AVL9: variants seen among roughly 807,000 people sequenced by gnomAD.
AVL9 encodes AVL9 cell migration associated.
A neutral mutation model predicts 79.2 loss-of-function variants in AVL9; 49 were observed. That is an observed-to-expected ratio of 0.62 (90% CI 0.49 to 0.79). AVL9 has a LOEUF of 0.79. AVL9 is among the 30% of genes least tolerant of loss of function. The pLI is 0.00. For synonymous variants in AVL9, 299 were observed against 280.6 expected (o/e 1.07, Z -0.65); for missense variants, 682 against 776.8 (o/e 0.88, Z 1.45).
chr7:32,576,541 T>C (rs1296418135), intron 13 of AVL9, among the ~76,000 whole-genome samples: 3 of 152,196 alleles, frequency 2.0e-5, no homozygotes, highest in African/African-American at 7.2e-5. Flanking sequence ...CCCAACACTT[T>C]GGGAGGCCGA....
chr7:32,529,463 T>C (rs1349941971), intron 1 of AVL9, among the ~76,000 whole-genome samples: 2 of 152,248 alleles, frequency 1.3e-5, no homozygotes, highest in African/African-American at 4.8e-5. Flanking sequence ...TCTGGTTTAT[T>C]AGTCCTAATA....
intron 1 of AVL9, among the ~76,000 whole-genome samples, chr7:32,503,273 C>T (rs1453382969): frequency 2.7e-5 from 4 of 148,586 alleles, no homozygotes; most frequent in Non-Finnish European, 5.9e-5. Context: ...GCCCGGAGTT[C>T]GAGCCCAGCC....
intron 8 of AVL9, among the ~76,000 whole-genome samples, chr7:32,556,287 G>T (rs1790050229): frequency 6.6e-6 from 1 of 152,122 alleles, no homozygotes; most frequent in South Asian, 2.1e-4. Flanking sequence ...GGCTAAGGTG[G>T]GTGATCACTT....
At chr7:32,524,585 C>G (rs1410197767) in intron 1 of AVL9, among the ~76,000 whole-genome samples, 1 of 93,114 alleles carries the variant, frequency 1.1e-5, no homozygotes, top group Non-Finnish European at 2.8e-5. Flanking sequence ...GGTATTATAT[C>G]TAACTGAGGG....
rs1791864176 is a variant in AVL9, at chr7:32,587,845, T to C, written c.*3938T>C. The C allele has an allele frequency of 6.6e-6, 1 of 152,218 alleles. No individual in the cohort carries two copies. Among genetic ancestry groups the C allele is most frequent in the Non-Finnish European group, 1.5e-5 (1 of 68,042 alleles). The allele number at this position is 152,218 out of a possible 1,614,324, so 9.4% of individuals were successfully genotyped here. A position where few individuals can be genotyped will look rare whatever the true frequency, so the allele number is the denominator to read the frequency against. On this transcript the variant is annotated 3_prime_UTR_variant, in exon 16 of 16. Coordinates refer to ENST00000318709, the MANE Select transcript of AVL9 (RefSeq NM_015060.3). Reference sequence around the variant, plus strand: ...CATAATTTCCGGCATTCCATAAATATTTGTCAAGGACAAAGAAAAGGAATG... The same window carrying C: ...CATAATTTCCGGCATTCCATAAATACTTGTCAAGGACAAAGAAAAGGAATG...
At chr7:32,548,045 C>T (rs962995449) in intron 3 of AVL9, among the ~76,000 whole-genome samples, 7 of 152,096 alleles carry the variant, frequency 4.6e-5, no homozygotes, top group African/African-American at 9.7e-5. Context: ...TGGTGCTGGG[C>T]GCCAATACAA....
intron 8 of AVL9, among the ~76,000 whole-genome samples, chr7:32,555,590 G>C (rs1397519386): frequency 6.6e-6 from 1 of 152,200 alleles, no homozygotes; most frequent in African/African-American, 2.4e-5. Flanking sequence ...TTTACTTGCT[G>C]TTTATGGCTG....
chr7:32,531,249 ATTAT>A lies in AVL9; in HGVS notation c.94-11888_94-11885del, dbSNP rs546928552. Among the ~76,000 whole-genome samples the A allele has an allele frequency of 2.6e-3, 403 of 152,156 alleles. 5 individuals are homozygous for A. Among genetic ancestry groups the A allele is most frequent in the Non-Finnish European group, 3.6e-3 (243 of 68,008 alleles). ...GCATAGCAAGTGGCTTTAAGCGGTA[ATTAT>A]TTAGCTCAAGGTGGAATGACTTCTG... On this transcript the variant is annotated intron_variant, in intron 1 of 15. Coordinates refer to ENST00000318709, the MANE Select transcript of AVL9 (RefSeq NM_015060.3).
At position 32,570,562 on chromosome 7, in the gene AVL9, A is replaced by G. The variant is rs191231676; in HGVS notation, c.1350+408A>G. Among the ~76,000 whole-genome samples the G allele has an allele frequency of 2.0e-3, 304 of 152,208 alleles. 4 individuals are homozygous for G. The highest frequency in any genetic ancestry group is 2.4e-3 in the Non-Finnish European group (163 of 68,014). Reference sequence around the variant, plus strand: ...ACCAAGACGAAAGCTAGGAATAAATATTTGACATCAATATATACGAAATTC... The same window carrying G: ...ACCAAGACGAAAGCTAGGAATAAATGTTTGACATCAATATATACGAAATTC... On this transcript the variant is annotated intron_variant, in intron 11 of 15. Transcript: ENST00000318709.
At chr7:32,503,359 GAGATATATAT>G (rs1365343186) in intron 1 of AVL9, among the ~76,000 whole-genome samples, 1 of 88,488 alleles carries the variant, frequency 1.1e-5, no homozygotes, top group Admixed American at 1.3e-4. Flanking sequence ...TAGATATAGA[GAGATATATAT>G]ATATACACAC....
At chr7:32,509,428 A>G (rs922935497) in intron 1 of AVL9, among the ~76,000 whole-genome samples, 6 of 152,142 alleles carry the variant, frequency 3.9e-5, no homozygotes, top group Non-Finnish European at 4.4e-5. Context: ...AGGGCACATC[A>G]ACACAACTTA....
chr7:32,573,094 T>C lies in AVL9; in HGVS notation c.1351-105T>C. 3.7e-6 allele frequency: 3 copies of C among 817,298 alleles called. No homozygotes were observed. The South Asian group carries it at 4.9e-5, about 13-fold the overall frequency. 50.6% of individuals were successfully genotyped at this position (817,298 alleles called of 1,614,324 possible). A position where few individuals can be genotyped will look rare whatever the true frequency, so the allele number is the denominator to read the frequency against. ...CACCTTTTGAGAATGCCATTATTCA[T>C]ATTTTTTATTTCCAGCTCCACCTTC... On this transcript the variant is annotated intron_variant, in intron 11 of 15. Transcript: ENST00000318709.
In AVL9 at chr7:32,495,518, A is replaced by T. The variant is rs1013391659; in HGVS notation, c.-192A>T. 2.6e-6 allele frequency: 1 copy of T among 391,134 alleles called. No individual in the cohort carries two copies. The highest frequency in any genetic ancestry group is 4.5e-6 in the Non-Finnish European group (1 of 220,574). The allele number at this position is 391,134 out of a possible 1,614,324, so 24.2% of individuals were successfully genotyped here. ...CAGGTGACAGCCCGGAAGCTGCGGA[A>T]GCGGATGAGGGAAGGGCGGCCGTGG... On this transcript the variant is annotated 5_prime_UTR_variant, in exon 1 of 16. The change creates a new upstream start codon in the 5' untranslated region. Transcript: ENST00000318709.
At chr7:32,573,139 G>C in intron 11 of AVL9, 60 bp from the exon 12 acceptor site, 1 of 1,330,744 alleles carries the variant, frequency 7.5e-7, no homozygotes, top group East Asian at 2.3e-5. Context: ...ACTCTGTAAA[G>C]TGTGGCATGG....
At position 32,557,390 on chromosome 7, in the gene AVL9, A is replaced by G. The variant is rs1007100667; in HGVS notation, c.610-1169A>G. Reference sequence around the variant, plus strand: ...TCAGTCTGGGATCCAGTCAAGGATCATGTACTGCATTGCTAGCTCTCTTTT... The same window carrying G: ...TCAGTCTGGGATCCAGTCAAGGATCGTGTACTGCATTGCTAGCTCTCTTTT... On this transcript the variant is annotated intron_variant, in intron 8 of 15. Coordinates refer to ENST00000318709, the MANE Select transcript of AVL9 (RefSeq NM_015060.3). Among the ~76,000 whole-genome samples, 4 of 152,268 alleles carry G rather than the reference A, an allele frequency of 2.6e-5. No homozygotes were observed. In the East Asian group the frequency reaches 7.7e-4, roughly 29 times the overall value.
chr7:32,542,595 A>T (rs1026875027), intron 1 of AVL9, among the ~76,000 whole-genome samples: 1 of 152,212 alleles, frequency 6.6e-6, no homozygotes, highest in Non-Finnish European at 1.5e-5. Context: ...CATGAATTTT[A>T]AATTCAGTGG....
At chr7:32,568,311 C>T (rs1461714097) in intron 10 of AVL9, among the ~76,000 whole-genome samples, 3 of 151,886 alleles carry the variant, frequency 2.0e-5, no homozygotes, top group African/African-American at 7.3e-5. Flanking sequence ...AGCGATTCTC[C>T]TGCCTCAGCC....
Position 32,575,404 on chromosome 7 carries a change from TA to T in AVL9, c.1571-549del, listed in dbSNP as rs1271655220. The stretch of plus-strand genomic sequence containing the variant: ...ATGAGCCACTGCACCTGGCCTTTTT[TA>T]AGTGTTTTTGACAGTGAAATGCTAG... On this transcript the variant is annotated intron_variant, in intron 12 of 15. Coordinates refer to ENST00000318709, the MANE Select transcript of AVL9 (RefSeq NM_015060.3). Among the ~76,000 whole-genome samples, 8 of 152,258 alleles carry T rather than the reference TA, an allele frequency of 5.3e-5. No homozygotes were observed. In the East Asian group the frequency reaches 1.5e-3, roughly 29 times the overall value.
Position 32,579,531 on chromosome 7 carries a change from TTATATTA to T in AVL9, c.1689-663_1689-657del, listed in dbSNP as rs1332784138. The stretch of plus-strand genomic sequence containing the variant: ...TATATATTATATTATATATTATATA[TTATATTA>T]TATATTATATATTATATATTATATT... On this transcript the variant is annotated intron_variant, in intron 13 of 15. Coordinates refer to ENST00000318709, the MANE Select transcript of AVL9 (RefSeq NM_015060.3). 1.1e-3 allele frequency among the ~76,000 whole-genome samples: 5 copies of T among 4,450 alleles called. 2 individuals carry two copies. Among genetic ancestry groups the T allele is most frequent in the Non-Finnish European group, 1.9e-3 (5 of 2,666 alleles). The allele number at this position is 4,450 out of a possible 152,430, so 2.9% of individuals were successfully genotyped here. A position where few individuals can be genotyped will look rare whatever the true frequency, so the allele number is the denominator to read the frequency against.
Sources: allele counts gnomAD v4.1 joint callset (sites outside exome capture counted in the v4.1 genomes callset), GRCh38; gene constraint gnomAD v4.1.1; transcripts MANE v1.5; gene names NCBI Gene and HGNC (gene_info 2026-07-23, HGNC 2026-07-21).